The following ZNF804B variants were observed in gnomAD, a reference collection of about 807,000 sequenced individuals.
The protein encoded by ZNF804B is zinc finger protein 804B.
A neutral mutation model predicts 101.4 loss-of-function variants in ZNF804B; 80 were observed. That is an observed-to-expected ratio of 0.79 (90% CI 0.66 to 0.95). The LOEUF (loss-of-function observed/expected upper bound fraction) is 0.95. Among genes scored for constraint, ZNF804B ranks in the 40% least tolerant of loss-of-function variants. The pLI is 0.00. For synonymous variants in ZNF804B, 622 were observed against 558.8 expected, an observed-to-expected ratio of 1.11 and a Z score of -1.59; for missense variants, 1,673 against 1,561.9, an observed-to-expected ratio of 1.07 and a Z score of -1.20.
chr7:88,986,456 A>C (rs946927432), intron 1 of ZNF804B, among the ~76,000 whole-genome samples: 1 of 152,134 alleles, frequency 6.6e-6, no homozygotes, highest in African/African-American at 2.4e-5. Flanking sequence ...CAGAAAAGTT[A>C]ATACAGTTTT....
chr7:89,009,793 G>A (rs908557830), intron 1 of ZNF804B, among the ~76,000 whole-genome samples: 17 of 152,184 alleles, frequency 1.1e-4, no homozygotes, highest in Non-Finnish European at 2.2e-4. Flanking sequence ...CTCCAGAACT[G>A]TGAACTGTGA....
At chr7:89,295,385 T>C (rs1316101513) in intron 2 of ZNF804B, among the ~76,000 whole-genome samples, 2 of 152,164 alleles carry the variant, frequency 1.3e-5, no homozygotes, top group East Asian at 1.9e-4. Context: ...TCTTGTTGAC[T>C]CTTACTTTGC....
intron 1 of ZNF804B, among the ~76,000 whole-genome samples, chr7:88,773,092 C>T (rs1790092989): frequency 6.6e-6 from 1 of 152,192 alleles, no homozygotes; most frequent in Non-Finnish European, 1.5e-5. Flanking sequence ...CTATCTGATA[C>T]ACTGCCAATT....
intron 1 of ZNF804B, among the ~76,000 whole-genome samples, chr7:88,785,920 T>C (rs1469247511): frequency 6.6e-6 from 1 of 152,134 alleles, no homozygotes; most frequent in African/African-American, 2.4e-5. Context: ...TAGGTGAAGT[T>C]AGGAAACCAT....
intron 1 of ZNF804B, among the ~76,000 whole-genome samples, chr7:88,768,136 TA>T (rs1276507819): frequency 6.6e-6 from 1 of 152,196 alleles, no homozygotes; most frequent in African/African-American, 2.4e-5. Context: ...AACAATATAT[TA>T]TTAGATTCTT....
At chr7:89,236,691 A>G (rs1584075169) in intron 2 of ZNF804B, among the ~76,000 whole-genome samples, 2 of 152,138 alleles carry the variant, frequency 1.3e-5, no homozygotes, top group Admixed American at 1.3e-4. Flanking sequence ...TGAGATTAGC[A>G]TACATAATTT....
At chr7:88,934,343 A>G (rs1792934744) in intron 1 of ZNF804B, among the ~76,000 whole-genome samples, 1 of 152,064 alleles carries the variant, frequency 6.6e-6, no homozygotes, top group Non-Finnish European at 1.5e-5. Context: ...ACTTAGGCAA[A>G]GGATTCATTC....
Position 89,336,565 on chromosome 7 carries a change from G to T in ZNF804B, c.3583G>T (p.Val1195Leu). The T allele has an allele frequency of 1.2e-6, 2 of 1,613,974 alleles. No homozygotes were observed. Among genetic ancestry groups the T allele is most frequent in the East Asian group, 2.2e-5 (1 of 44,856 alleles). Reference protein sequence around the residue: ...GPTAFSPASTVQTVPVHQHTS... With the variant: ...GPTAFSPASTLQTVPVHQHTS... ...TACTGCCTTCTCTCCGGCCTCAACC[G>T]TACAGACAGTTCCAGTTCACCAGCA... Residue 1195 changes from valine (V) to leucine (L), a missense_variant, in exon 4 of 4, where the codon GTA becomes TTA. Coordinates refer to ENST00000333190, the MANE Select transcript of ZNF804B (RefSeq NM_181646.5).
intron 2 of ZNF804B, among the ~76,000 whole-genome samples, chr7:89,266,194 G>C (rs1258357347): frequency 2.0e-5 from 3 of 152,084 alleles, no homozygotes; most frequent in African/African-American, 7.2e-5. Flanking sequence ...CAAGCCACCA[G>C]AACAGCTGCC....
chr7:88,970,987 AAG>A (rs1249834484), intron 1 of ZNF804B, among the ~76,000 whole-genome samples: 1 of 140,630 alleles, frequency 7.1e-6, no homozygotes, highest in Non-Finnish European at 1.5e-5. Context: ...AATTTAAAAA[AAG>A]AACAAAAAAA....
intron 1 of ZNF804B, among the ~76,000 whole-genome samples, chr7:89,133,298 A>C (rs1377748915): frequency 2.0e-5 from 3 of 151,984 alleles, no homozygotes; most frequent in Non-Finnish European, 4.4e-5. Context: ...AATTTACACT[A>C]TTTTAGTCTG....
chr7:89,053,765 C>T (rs533034312), intron 1 of ZNF804B, among the ~76,000 whole-genome samples: 14 of 151,590 alleles, frequency 9.2e-5, no homozygotes, highest in East Asian at 7.9e-4. Context: ...TGATTGTATA[C>T]TCTTATGCAC....
intron 1 of ZNF804B, among the ~76,000 whole-genome samples, chr7:88,913,318 C>G (rs1792579635): frequency 1.3e-5 from 2 of 152,112 alleles, no homozygotes; most frequent in African/African-American, 4.8e-5. Flanking sequence ...TACTTAAATT[C>G]AAATTCATTA....
At chr7:88,979,612 T>C (rs975491644) in intron 1 of ZNF804B, among the ~76,000 whole-genome samples, 5 of 150,952 alleles carry the variant, frequency 3.3e-5, no homozygotes, top group African/African-American at 9.7e-5. Flanking sequence ...TTCTTTCTTT[T>C]TTTTTTTTGC....
At chr7:88,867,130 T>C (rs942923096) in intron 1 of ZNF804B, among the ~76,000 whole-genome samples, 1 of 152,140 alleles carries the variant, frequency 6.6e-6, no homozygotes, top group Non-Finnish European at 1.5e-5. Flanking sequence ...CTTGACATCA[T>C]TAGGAGTAAA....
chr7:89,329,070 A>C (rs1030385831), intron 3 of ZNF804B, among the ~76,000 whole-genome samples: 3 of 151,668 alleles, frequency 2.0e-5, no homozygotes, highest in African/African-American at 7.3e-5. Context: ...AGTTTCTTTC[A>C]AATAAAAAGG....
chr7:88,830,887 T>C (rs1330240259), intron 1 of ZNF804B, among the ~76,000 whole-genome samples: 5 of 152,022 alleles, frequency 3.3e-5, no homozygotes, highest in African/African-American at 7.2e-5. Context: ...TATTTGTTCA[T>C]GTATTTGCCC....
At chr7:89,276,834 T>A (rs999407571) in intron 2 of ZNF804B, among the ~76,000 whole-genome samples, 2 of 151,864 alleles carry the variant, frequency 1.3e-5, no homozygotes, top group African/African-American at 4.9e-5. Flanking sequence ...TCTAGAGGTA[T>A]TCTGTAGTCT....
intron 1 of ZNF804B, among the ~76,000 whole-genome samples, chr7:88,848,621 C>CTTTTT (rs35391874): frequency 9.0e-6 from 1 of 111,086 alleles, no homozygotes; most frequent in African/African-American, 3.2e-5. Flanking sequence ...AATGCATTTT[C>CTTTTT]TTTTTTTTTT....
Sources: allele counts gnomAD v4.1 joint callset (sites outside exome capture counted in the v4.1 genomes callset), GRCh38; gene constraint gnomAD v4.1.1; transcripts MANE v1.5; gene names NCBI Gene and HGNC (gene_info 2026-07-23, HGNC 2026-07-21).